Variants in PARVG observed in about 807,000 individuals in gnomAD.
PARVG encodes gamma-parvin.
Under a neutral mutation model 44.4 loss-of-function variants are expected in PARVG, and 36 were observed. The ratio of observed to expected loss-of-function variants is 0.81; its 90% CI spans 0.62 to 1.07. The LOEUF is 1.07. PARVG is among the 50% of genes least tolerant of loss of function. The probability of loss-of-function intolerance (pLI) is 0.00; values close to 1 mark genes in which losing one functional copy is unlikely to be tolerated. For synonymous variants in PARVG, 170 were observed against 174.1 expected, an observed-to-expected ratio of 0.98 and a Z score of 0.19; for missense variants, 407 against 407.4, an observed-to-expected ratio of 1.00 and a Z score of 0.01.
chr22:44,183,986 T>G (rs1232353809), intron 3 of PARVG: 1 of 194,110 alleles, frequency 5.2e-6, no homozygotes, highest in Non-Finnish European at 1.0e-5. Context: ...GATGGAGCAA[T>G]TCAACGACTA....
At chr22:44,196,086 A>C in intron 9 of PARVG, 69 bp from the exon 10 acceptor site, 2 of 1,592,146 alleles carry the variant, frequency 1.3e-6, no homozygotes, top group South Asian at 1.1e-5. Flanking sequence ...TTTGTGAAAA[A>C]AAAAATTCCC....
At chr22:44,174,839 C>A (rs921251031) in intron 1 of PARVG, among the ~76,000 whole-genome samples, 1 of 151,746 alleles carries the variant, frequency 6.6e-6, no homozygotes, top group Non-Finnish European at 1.5e-5. Flanking sequence ...ATATAACTGC[C>A]GTCCGGGCAC....
At chr22:44,186,271 T>C in intron 4 of PARVG, 1 of 317,818 alleles carries the variant, frequency 3.1e-6, no homozygotes, top group Non-Finnish European at 6.3e-6. Flanking sequence ...CCTCCCCAGC[T>C]TGTCTGCCCA....
intron 12 of PARVG, among the ~76,000 whole-genome samples, chr22:44,198,957 T>TCCATCCACCCACCCACCCACCCACCCAC (rs2054663547): frequency 1.4e-5 from 1 of 69,264 alleles, no homozygotes; most frequent in Non-Finnish European, 3.2e-5. Flanking sequence ...CATCCATCCA[T>TCCATCCACCCACCCACCCACCCACCCAC]CCATCCATCC....
chr22:44,192,506 T>G lies in PARVG; in HGVS notation c.560+402T>G, dbSNP rs539826969. On this transcript the variant is annotated intron_variant, in intron 8 of 13. Coordinates refer to ENST00000444313, the MANE Select transcript of PARVG (RefSeq NM_022141.7). Reference sequence around the variant, plus strand: ...CTGCCCACTTTAGGGTGTGACTGTCTTGTTCCCCGCCCACTTTGGGGGTGT... The same window carrying G: ...CTGCCCACTTTAGGGTGTGACTGTCGTGTTCCCCGCCCACTTTGGGGGTGT... Among the ~76,000 whole-genome samples the G allele has an allele frequency of 2.0e-5, 3 of 152,230 alleles. No individual in the cohort carries two copies. In the East Asian group the frequency reaches 5.8e-4, roughly 29 times the overall value.
intron 12 of PARVG, among the ~76,000 whole-genome samples, chr22:44,198,930 CCAT>C: frequency 4.2e-5 from 3 of 71,718 alleles, no homozygotes; most frequent in Non-Finnish European, 1.0e-4. Context: ...ATCTACCCAT[CCAT>C]CCATCCACCC....
At position 44,206,480 on chromosome 22, in the gene PARVG, G is replaced by A. The variant is rs970839994; in HGVS notation, c.*54G>A. On this transcript the variant is annotated 3_prime_UTR_variant, in exon 14 of 14. Transcript: ENST00000444313. ...GCCTGTCAGCCCAGCTGGAGGGCCC[G>A]AGGCTGCAGGGTGTCCTCCCACAGT... 12 of 1,519,178 alleles carry A rather than the reference G, an allele frequency of 7.9e-6. No individual in the cohort carries two copies. The highest frequency in any genetic ancestry group is 6.8e-5 in the East Asian group (3 of 44,376). The allele number at this position is 1,519,178 out of a possible 1,614,324, so 94.1% of individuals were successfully genotyped here.
intron 1 of PARVG, chr22:44,173,222 C>T: frequency 8.2e-7 from 1 of 1,223,648 alleles, no homozygotes; most frequent in Non-Finnish European, 1.0e-6. Context: ...TGCCCCTCTG[C>T]CTGGGTCCAG....
chr22:44,197,699 G>A (rs1310020405), intron 11 of PARVG, among the ~76,000 whole-genome samples: 2 of 152,138 alleles, frequency 1.3e-5, no homozygotes, highest in Admixed American at 1.3e-4. Flanking sequence ...TGAACCTCAG[G>A]CTCTTCTTCT....
chr22:44,197,034 C>T (rs1453669474), intron 11 of PARVG, among the ~76,000 whole-genome samples: 3 of 152,282 alleles, frequency 2.0e-5, no homozygotes, highest in Non-Finnish European at 2.9e-5. Context: ...CAGCCCGGGG[C>T]CTGCAGAGTG....
At chr22:44,193,641 C>G (rs534856526) in intron 8 of PARVG, among the ~76,000 whole-genome samples, 160 bp from the exon 9 acceptor site, 2 of 152,324 alleles carry the variant, frequency 1.3e-5, no homozygotes, top group South Asian at 4.1e-4. Flanking sequence ...CAAAGACCTT[C>G]TCTGCTATCT....
intron 12 of PARVG, among the ~76,000 whole-genome samples, chr22:44,202,002 A>G (rs150070010): frequency 2.9e-4 from 44 of 152,350 alleles, no homozygotes; most frequent in Non-Finnish European, 5.0e-4. Flanking sequence ...AGCCCTGCAA[A>G]GTGTGTGGGT....
At chr22:44,203,465 G>A (rs891133561) in intron 12 of PARVG, among the ~76,000 whole-genome samples, 2 of 152,114 alleles carry the variant, frequency 1.3e-5, no homozygotes, top group Admixed American at 1.3e-4. Context: ...TTCTAAAAAC[G>A]TTTGGCCACA....
In PARVG at chr22:44,206,641, T is replaced by C. The variant is rs2054786009; in HGVS notation, c.*215T>C. 1 of 554,126 alleles carries C rather than the reference T, an allele frequency of 1.8e-6. No individual in the cohort carries two copies. The highest frequency in any genetic ancestry group is 3.2e-6 in the Non-Finnish European group (1 of 311,242). 34.3% of individuals were successfully genotyped at this position (554,126 alleles called of 1,614,324 possible). ...CTTGCTCAGTTTATTTTAATAAAAGTATTTCTGGGAGGGATTCTGGGAACT... is the reference window on the plus strand; with the variant it reads ...CTTGCTCAGTTTATTTTAATAAAAGCATTTCTGGGAGGGATTCTGGGAACT... On this transcript the variant is annotated 3_prime_UTR_variant, in exon 14 of 14. Coordinates refer to ENST00000444313, the MANE Select transcript of PARVG (RefSeq NM_022141.7).
rs1169285902 is a variant in PARVG, at chr22:44,190,523, C to T, written c.389-28C>T. The T allele has an allele frequency of 3.2e-6, 5 of 1,581,778 alleles. No homozygotes were observed. In the South Asian group the frequency reaches 3.3e-5, roughly 10 times the overall value. On this transcript the variant is annotated intron_variant, in intron 6 of 13. Coordinates refer to ENST00000444313, the MANE Select transcript of PARVG (RefSeq NM_022141.7). ...CTGCACGTTTTGGCGGCCTCCTGGG[C>T]TCTGACCTGTCTCCACTCTCTTCCC...
chr22:44,173,299 CT>C, intron 1 of PARVG: 3 of 989,644 alleles, frequency 3.0e-6, no homozygotes, highest in Non-Finnish European at 3.9e-6. Flanking sequence ...GGTCTCCTTA[CT>C]TTTCATGATG....
intron 11 of PARVG, 110 bp downstream of exon 11, chr22:44,196,525 C>T: frequency 3.9e-6 from 5 of 1,296,936 alleles, no homozygotes; most frequent in East Asian, 4.8e-5. Flanking sequence ...GTTGCATCAC[C>T]TCTTGGAGCC....
In PARVG at chr22:44,186,018, G is replaced by A. The variant is rs548521289; in HGVS notation, c.144+146G>A. The A allele has an allele frequency of 1.7e-4, 99 of 569,218 alleles. No homozygotes were observed. In the Middle Eastern group the frequency reaches 1.8e-3, roughly 10 times the overall value. 35.3% of individuals were successfully genotyped at this position (569,218 alleles called of 1,614,324 possible). On this transcript the variant is annotated intron_variant, in intron 4 of 13. Coordinates refer to ENST00000444313, the MANE Select transcript of PARVG (RefSeq NM_022141.7). ...ACCCCCGAAGACCCCTGGAAGGCCT[G>A]TTGAATGGAGCAAGTCACCCACAGA...
rs983713401 is a variant in PARVG, at chr22:44,188,066, G to C, written c.247+188G>C. On this transcript the variant is annotated intron_variant, in intron 5 of 13. Transcript: ENST00000444313. ...CGCTGTCCACAGCCCATGAGTGAGG[G>C]GGCCGAGCTGGGGCTCAGGGTGGGG... is the stretch of plus-strand genomic sequence containing the variant. 16 of 627,556 alleles carry C rather than the reference G, an allele frequency of 2.5e-5. No homozygotes were observed. In the African/African-American group the frequency reaches 2.6e-4, roughly 10 times the overall value. 38.9% of individuals were successfully genotyped at this position (627,556 alleles called of 1,614,324 possible).
Sources: gnomAD v4.1 joint callset for allele counts (sites outside exome capture counted in the v4.1 genomes callset) on GRCh38, gnomAD v4.1.1 for gene constraint, MANE v1.5 for transcripts, NCBI Gene and HGNC (gene_info 2026-07-23, HGNC 2026-07-21) for gene names.